Variants in DSCAML1 observed in about 807,000 individuals in gnomAD.
DSCAML1 encodes DS cell adhesion molecule like 1, also known as cell adhesion molecule DSCAML1.
DSCAML1 carries 38 observed loss-of-function variants against 200.5 expected under a neutral mutation model. That is an observed-to-expected ratio of 0.19 (90% confidence interval 0.15 to 0.25). The LOEUF (loss-of-function observed/expected upper bound fraction) is 0.25, where lower values mean the gene tolerates loss of function less well. Among genes scored for constraint, DSCAML1 ranks in the 10% least tolerant of loss-of-function variants. The pLI is 1.00. For missense variants in DSCAML1, 2,223 were observed against 2,858.8 expected (o/e 0.78, Z 5.07); for synonymous variants, 1,215 against 1,165.0 (o/e 1.04, Z -0.87).
intron 3 of DSCAML1, among the ~76,000 whole-genome samples, chr11:117,693,107 T>C (rs2053528001): frequency 6.6e-6 from 1 of 152,208 alleles, no homozygotes; most frequent in South Asian, 2.1e-4. Context: ...GGAATCTAAC[T>C]TTAATTCAGC....
intron 3 of DSCAML1, among the ~76,000 whole-genome samples, chr11:117,756,317 T>C (rs2054692719): frequency 6.6e-6 from 1 of 152,158 alleles, no homozygotes; most frequent in Admixed American, 6.5e-5. Flanking sequence ...CTGCACGATA[T>C]GTGTGGGTCT....
At position 117,650,037 on chromosome 11, in the gene DSCAML1, G is replaced by A. The variant is rs79541596; in HGVS notation, c.512-117515C>T. 7.0e-3 allele frequency among the ~76,000 whole-genome samples: 1,064 copies of A among 152,312 alleles called. 23 individuals carry two copies. In the East Asian group the frequency reaches 0.078, roughly 11 times the overall value. On this transcript the variant is annotated intron_variant, in intron 3 of 32. Transcript: ENST00000651296. ...CTGAGCAGCGGTTGGCACAGGCTAG[G>A]CCACTAACTGGGTTTCAGTTTCCTC...
At chr11:117,581,083 G>A (rs11216459) in intron 3 of DSCAML1, among the ~76,000 whole-genome samples, 11,590 of 152,264 alleles carry the variant, frequency 0.076, 1,463 homozygotes, top group African/African-American at 0.26. Flanking sequence ...AGGGACCGCT[G>A]CAGGTCACTG....
At chr11:117,473,309 C>T (rs1327067541) in intron 14 of DSCAML1, among the ~76,000 whole-genome samples, 1 of 152,060 alleles carries the variant, frequency 6.6e-6, no homozygotes, top group Non-Finnish European at 1.5e-5. Context: ...CCAGCTGGGA[C>T]AATATGGTGA....
chr11:117,438,778 C>A (rs74490241), intron 24 of DSCAML1, 107 bp downstream of exon 24: 176,232 of 1,042,098 alleles, frequency 0.17, 16,213 homozygotes, highest in South Asian at 0.31. Flanking sequence ...GCCCCCAGAT[C>A]GTTTCTGTCA....
chr11:117,535,896 A>G, intron 3 of DSCAML1, among the ~76,000 whole-genome samples: 1 of 88,492 alleles, frequency 1.1e-5, no homozygotes, highest in Non-Finnish European at 2.1e-5. Context: ...ATTTTAAACT[A>G]GGGGTGGGGG....
Position 117,536,488 on chromosome 11 carries a change from C to T in DSCAML1, c.512-3966G>A, listed in dbSNP as rs553750543. On this transcript the variant is annotated intron_variant, in intron 3 of 32. Coordinates refer to ENST00000651296, the MANE Select transcript of DSCAML1 (RefSeq NM_020693.4). ...AAATGGCAGCCAGTACCTCCGGGTC[C>T]AGCACCAATCCTGAAGCCACTTGGA... 2.0e-5 allele frequency among the ~76,000 whole-genome samples: 3 copies of T among 152,340 alleles called. No individual in the cohort carries two copies. The East Asian group carries it at 5.8e-4, about 29-fold the overall frequency.
intron 3 of DSCAML1, among the ~76,000 whole-genome samples, chr11:117,756,836 T>C (rs1485036567): frequency 6.6e-6 from 1 of 152,066 alleles, no homozygotes; most frequent in Non-Finnish European, 1.5e-5. Context: ...GGGCACTCAC[T>C]TTGGGAAAGA....
In DSCAML1 at chr11:117,643,943, G is replaced by A. The variant is rs370164486; in HGVS notation, c.512-111421C>T. On this transcript the variant is annotated intron_variant, in intron 3 of 32. Transcript: ENST00000651296. ...AGGTGGCAGGTGGCAGAGCTGGAAC[G>A]TTCAGCCCAAGCCCATTTGAGGTAG... 2.0e-5 allele frequency among the ~76,000 whole-genome samples: 3 copies of A among 152,344 alleles called. No homozygotes were observed. The South Asian group carries it at 6.2e-4, about 32-fold the overall frequency.
At chr11:117,789,030 T>C (rs138061584) in intron 1 of DSCAML1, among the ~76,000 whole-genome samples, 149 of 152,294 alleles carry the variant, frequency 9.8e-4, no homozygotes, top group Middle Eastern at 6.8e-3. Context: ...ACCCTAGTCA[T>C]TGAGATGACC....
chr11:117,751,960 A>G (rs2054612986), intron 3 of DSCAML1, among the ~76,000 whole-genome samples: 1 of 152,198 alleles, frequency 6.6e-6, no homozygotes, highest in Non-Finnish European at 1.5e-5. Flanking sequence ...CAATGGATGT[A>G]ATTTGTTAAA....
intron 3 of DSCAML1, among the ~76,000 whole-genome samples, chr11:117,532,848 G>A (rs1204721927): frequency 1.3e-5 from 2 of 152,084 alleles, no homozygotes; most frequent in Non-Finnish European, 2.9e-5. Context: ...AATGGGGCCA[G>A]GTGTGGTGGC....
intron 14 of DSCAML1, among the ~76,000 whole-genome samples, chr11:117,472,272 C>G: frequency 6.6e-6 from 1 of 152,156 alleles, no homozygotes; most frequent in East Asian, 1.9e-4. Flanking sequence ...CCTGTAAGCT[C>G]AAACTTCAGG....
At chr11:117,713,752 A>G (rs1055132512) in intron 3 of DSCAML1, among the ~76,000 whole-genome samples, 2 of 152,206 alleles carry the variant, frequency 1.3e-5, no homozygotes, top group Non-Finnish European at 2.9e-5. Context: ...TGCGGAGTCC[A>G]TCCATCTTGA....
At chr11:117,756,170 G>T (rs1297277401) in intron 3 of DSCAML1, among the ~76,000 whole-genome samples, 1 of 152,244 alleles carries the variant, frequency 6.6e-6, no homozygotes, top group Non-Finnish European at 1.5e-5. Context: ...CACAGAGGCT[G>T]CCTGGCAGCC....
intron 3 of DSCAML1, among the ~76,000 whole-genome samples, chr11:117,714,226 G>A (rs2053906293): frequency 6.6e-6 from 1 of 152,170 alleles, no homozygotes; most frequent in South Asian, 2.1e-4. Flanking sequence ...TGGTTTGGAT[G>A]AAAACAAGAG....
chr11:117,697,926 C>A (rs2053611016), intron 3 of DSCAML1, among the ~76,000 whole-genome samples: 1 of 152,102 alleles, frequency 6.6e-6, no homozygotes, highest in African/African-American at 2.4e-5. Context: ...TGCACGCCAC[C>A]ACACCCAGGT....
chr11:117,563,431 A>G (rs7113635), intron 3 of DSCAML1, among the ~76,000 whole-genome samples: 32,621 of 151,982 alleles, frequency 0.21, 3,810 homozygotes, highest in Non-Finnish European at 0.25. Context: ...GGGATGGAGA[A>G]GTCAGGGGCC....
At chr11:117,649,162 C>T (rs539974776) in intron 3 of DSCAML1, among the ~76,000 whole-genome samples, 24 of 151,702 alleles carry the variant, frequency 1.6e-4, no homozygotes, top group African/African-American at 5.3e-4. Context: ...CTGCAACCTC[C>T]GCCTCCCAGG....
Sources: allele counts gnomAD v4.1 joint callset (sites outside exome capture counted in the v4.1 genomes callset), GRCh38; gene constraint gnomAD v4.1.1; transcripts MANE v1.5; gene names NCBI Gene and HGNC (gene_info 2026-07-23, HGNC 2026-07-21).